RIMS2: variants seen among roughly 807,000 people sequenced by gnomAD.
RIMS2 encodes regulating synaptic membrane exocytosis 2.
RIMS2 carries 59 observed loss-of-function variants against 174.4 expected under a neutral mutation model. The ratio of observed to expected loss-of-function variants is 0.34; its 90% CI spans 0.27 to 0.42. The LOEUF is 0.42. Among genes scored for constraint, RIMS2 ranks in the 10% least tolerant of loss-of-function variants. The pLI is 1.00. For synonymous variants in RIMS2, 606 were observed against 572.5 expected, an observed-to-expected ratio of 1.06 and a Z score of -0.84; for missense variants, 1,620 against 1,666.3, an observed-to-expected ratio of 0.97 and a Z score of 0.48.
At chr8:104,180,677 A>G (rs1357854764) in intron 19 of RIMS2, among the ~76,000 whole-genome samples, 1 of 151,738 alleles carries the variant, frequency 6.6e-6, no homozygotes, top group Non-Finnish European at 1.5e-5. Context: ...ACTTTAATCT[A>G]TGACTCATTG....
chr8:103,800,138 G>A (rs1386207533), intron 3 of RIMS2, among the ~76,000 whole-genome samples: 2 of 152,010 alleles, frequency 1.3e-5, no homozygotes, highest in African/African-American at 2.4e-5. Context: ...TGTTTATAAT[G>A]CACTTATATA....
At chr8:103,664,786 A>G (rs112251146) in intron 1 of RIMS2, among the ~76,000 whole-genome samples, 53 of 152,344 alleles carry the variant, frequency 3.5e-4, no homozygotes, top group African/African-American at 1.2e-3. Flanking sequence ...GTATAAGCCC[A>G]AAGGATTATA....
intron 1 of RIMS2, among the ~76,000 whole-genome samples, chr8:103,588,195 G>T (rs2094067916): frequency 6.6e-6 from 1 of 151,718 alleles, no homozygotes; most frequent in East Asian, 1.9e-4. Flanking sequence ...CTTAATCAAA[G>T]AAATGAAAGA....
At chr8:103,978,362 G>GCTTAAAAAAGGCATCACTGA (rs1555078193) in intron 16 of RIMS2, among the ~76,000 whole-genome samples, 1 of 151,956 alleles carries the variant, frequency 6.6e-6, no homozygotes, top group Admixed American at 6.5e-5. Flanking sequence ...AAAAATGGTA[G>GCTTAAAAAAGGCATCACTGA]TCAGAGGAAA....
At chr8:104,057,990 C>A (rs1597921708) in intron 19 of RIMS2, among the ~76,000 whole-genome samples, 1 of 152,138 alleles carries the variant, frequency 6.6e-6, no homozygotes, top group African/African-American at 2.4e-5. Context: ...TGGGTTGGTT[C>A]CACATCTTTG....
intron 19 of RIMS2, among the ~76,000 whole-genome samples, chr8:104,033,634 G>A (rs1158763338): frequency 6.7e-6 from 1 of 150,350 alleles, no homozygotes; most frequent in Non-Finnish European, 1.5e-5. Flanking sequence ...TTTTGTTTTG[G>A]CGATTTTTTT....
At chr8:104,040,594 T>A (rs1417187207) in intron 19 of RIMS2, among the ~76,000 whole-genome samples, 1 of 151,712 alleles carries the variant, frequency 6.6e-6, no homozygotes, top group Non-Finnish European at 1.5e-5. Context: ...TTTGTAAGAA[T>A]CTGTTGAATG....
At chr8:103,611,604 G>A (rs1486410856) in intron 1 of RIMS2, among the ~76,000 whole-genome samples, 1 of 151,192 alleles carries the variant, frequency 6.6e-6, no homozygotes, top group Non-Finnish European at 1.5e-5. Context: ...AATATGTCAT[G>A]CCACTCTCTC....
chr8:103,553,522 A>G (rs1417266676), intron 1 of RIMS2, among the ~76,000 whole-genome samples: 2 of 152,136 alleles, frequency 1.3e-5, no homozygotes, highest in African/African-American at 4.8e-5. Context: ...GGTGCAGCAC[A>G]CCAACATGGC....
At chr8:103,838,454 C>T (rs2098917742) in intron 3 of RIMS2, among the ~76,000 whole-genome samples, 1 of 152,092 alleles carries the variant, frequency 6.6e-6, no homozygotes, top group Non-Finnish European at 1.5e-5. Context: ...AAAATAGGCC[C>T]AATTTTAAAG....
At chr8:103,611,238 T>A (rs1033234278) in intron 1 of RIMS2, among the ~76,000 whole-genome samples, 1 of 152,170 alleles carries the variant, frequency 6.6e-6, no homozygotes, top group African/African-American at 2.4e-5. Context: ...GTTTTAAAAC[T>A]TTTTGTTGTT....
chr8:103,591,297 T>A (rs72677690), intron 1 of RIMS2, among the ~76,000 whole-genome samples: 46 of 151,256 alleles, frequency 3.0e-4, no homozygotes, highest in Non-Finnish European at 5.4e-4. Flanking sequence ...TTCTGTTTAT[T>A]CATGCTGGAT....
intron 1 of RIMS2, among the ~76,000 whole-genome samples, chr8:103,599,628 T>C (rs1450278345): frequency 6.6e-6 from 1 of 151,530 alleles, no homozygotes; most frequent in South Asian, 2.1e-4. Context: ...TTTTGTTTTG[T>C]TTTGTAGAGA....
intron 2 of RIMS2, among the ~76,000 whole-genome samples, chr8:103,739,804 C>T (rs2097737564): frequency 6.6e-6 from 1 of 152,154 alleles, no homozygotes; most frequent in South Asian, 2.1e-4. Context: ...TTCTGCTTCT[C>T]AGAGACCTCT....
In RIMS2 at chr8:104,100,888, A is replaced by T. The variant is rs185344253; in HGVS notation, c.3334+86273A>T. 1.1e-3 allele frequency among the ~76,000 whole-genome samples: 151 copies of T among 140,580 alleles called. 1 individual carries two copies. In the East Asian group the frequency reaches 0.021, roughly 19 times the overall value. The allele number at this position is 140,580 out of a possible 152,430, so 92.2% of individuals were successfully genotyped here. On this transcript the variant is annotated intron_variant, in intron 19 of 23. Coordinates refer to ENST00000504942, the Ensembl canonical transcript of RIMS2. ...ATATTATATATGTAATATATATCATATTGTATATGTTATATATTATATGTA... is the reference window on the plus strand; with the variant it reads ...ATATTATATATGTAATATATATCATTTTGTATATGTTATATATTATATGTA...
chr8:103,625,169 A>C (rs1440612847), intron 1 of RIMS2, among the ~76,000 whole-genome samples: 4 of 147,512 alleles, frequency 2.7e-5, no homozygotes, highest in African/African-American at 1.0e-4. Context: ...TTTATTTTGC[A>C]GTATAATGCA....
At chr8:103,689,467 G>A (rs1215965263) in intron 1 of RIMS2, among the ~76,000 whole-genome samples, 1 of 151,930 alleles carries the variant, frequency 6.6e-6, no homozygotes, top group Admixed American at 6.6e-5. Context: ...GAAGTCTCCA[G>A]CTATCATTGT....
At chr8:103,812,533 CA>C (rs2098695417) in intron 3 of RIMS2, among the ~76,000 whole-genome samples, 1 of 151,926 alleles carries the variant, frequency 6.6e-6, no homozygotes, top group Non-Finnish European at 1.5e-5. Flanking sequence ...AGGCGCGTAC[CA>C]CTACACCTGG....
intron 14 of RIMS2, among the ~76,000 whole-genome samples, chr8:103,946,246 C>G (rs908971261): frequency 1.3e-5 from 2 of 152,134 alleles, no homozygotes; most frequent in Non-Finnish European, 1.5e-5. Context: ...AATCCCAGCA[C>G]TTTGGGAGGC....
Sources: gnomAD v4.1 joint callset for allele counts (sites outside exome capture counted in the v4.1 genomes callset) on GRCh38, gnomAD v4.1.1 for gene constraint, MANE v1.5 for transcripts, NCBI Gene and HGNC (gene_info 2026-07-23, HGNC 2026-07-21) for gene names.